Variants in SEMA4G observed in about 807,000 individuals in gnomAD.
SEMA4G encodes the protein semaphorin-4G.
SEMA4G carries 59 observed loss-of-function variants against 81.2 expected under a neutral mutation model. The observed-to-expected ratio is 0.73, with a 90% CI of 0.59 to 0.90. The LOEUF is 0.90. Ranked by LOEUF, SEMA4G falls within the 40% of genes least tolerant of loss-of-function variation. The probability of loss-of-function intolerance (pLI) is 0.00; values close to 1 mark genes in which losing one functional copy is unlikely to be tolerated. For synonymous variants in SEMA4G, 404 were observed against 433.9 expected, an observed-to-expected ratio of 0.93 and a Z score of 0.86; for missense variants, 952 against 1,102.3, an observed-to-expected ratio of 0.86 and a Z score of 1.93.
chr10:100,979,260 G>A (rs1313225853), exon 8 of SEMA4G: 3 of 1,614,052 alleles, frequency 1.9e-6, no homozygotes, highest in Non-Finnish European at 2.5e-6. Context: ...CCTTCACGCT[G>A]AGCACACAGT....
Position 100,973,356 on chromosome 10 carries a change from C to A in SEMA4G, c.273+79C>A. 6.4e-7 allele frequency: 1 copy of A among 1,561,664 alleles called. No homozygotes were observed. Among genetic ancestry groups the A allele is most frequent in the South Asian group, 1.1e-5 (1 of 86,986 alleles). ...CTGGGACCTCAACTTCCTTAAAACC[C>A]TGCCAGCCTTCCATAGCCCCCTGGT... On this transcript the variant is annotated intron_variant, in intron 2 of 13. Transcript: ENST00000370250. The surrounding 1 kb of genome is among the most constrained non-coding windows in gnomAD (Gnocchi z 5.5).
chr10:100,976,493 G>A (rs570478885), intron 3 of SEMA4G, among the ~76,000 whole-genome samples: 1 of 152,274 alleles, frequency 6.6e-6, no homozygotes, highest in East Asian at 1.9e-4. Context: ...GACTACAGGT[G>A]CATGCCACCA....
At chr10:100,977,275 G>C (rs1187725508) in intron 3 of SEMA4G, among the ~76,000 whole-genome samples, 1 of 152,198 alleles carries the variant, frequency 6.6e-6, no homozygotes, top group Non-Finnish European at 1.5e-5. Flanking sequence ...GGAGTTCCAA[G>C]AATAGAAAGA....
intron 13 of SEMA4G, 188 bp downstream of exon 14, chr10:100,981,417 C>G (rs964741987): frequency 1.9e-6 from 3 of 1,613,698 alleles, no homozygotes; most frequent in South Asian, 1.1e-5. Context: ...GAATTATAAA[C>G]TAGGAAACAT....
In SEMA4G at chr10:100,978,502, C is replaced by G. The variant is rs1554883739; in HGVS notation, c.530-25C>G. The G allele has an allele frequency of 3.1e-6, 5 of 1,607,526 alleles. No individual in the cohort carries two copies. In the South Asian group the frequency reaches 5.5e-5, roughly 18 times the overall value. ...GCCCTGTTGAATATGACATGTCTCT[C>G]ATGCCTGGAATATCCCCACGCCAGA... On this transcript the variant is annotated intron_variant, in intron 5 of 13. Coordinates refer to ENST00000370250, the Ensembl canonical transcript of SEMA4G.
chr10:100,978,531 A>C (rs749483446), exon 6 of SEMA4G: 6 of 1,613,878 alleles, frequency 3.7e-6, no homozygotes, highest in Non-Finnish European at 4.2e-6. Context: ...CGCCAGATGG[A>C]GGCCTCTACA....
At chr10:100,979,914 A>G (rs1433937750) in exon 9 of SEMA4G, 1 of 1,613,996 alleles carries the variant, frequency 6.2e-7, no homozygotes, top group East Asian at 2.2e-5. Context: ...TCTTTGCAGG[A>G]CCCTATATGG....
exon 14 of SEMA4G, chr10:100,983,710 C>T (rs772406976): frequency 6.2e-7 from 1 of 1,613,566 alleles, no homozygotes; most frequent in Admixed American, 1.7e-5. Flanking sequence ...CTCTATGTGG[C>T]CTGTCTGCGG....
chr10:100,985,208 C>T (rs145456828), downstream of SEMA4G: 29 of 297,576 alleles, frequency 9.7e-5, no homozygotes, highest in Non-Finnish European at 1.8e-4. Flanking sequence ...TCAACTGGCA[C>T]ATGAAGCCCA....
exon 1 of SEMA4G, chr10:100,972,727 T>C: frequency 1.8e-6 from 1 of 559,446 alleles, no homozygotes; most frequent in South Asian, 2.5e-5. Context: ...TGACTCCATG[T>C]CCCCCCGATT....
Position 100,980,998 on chromosome 10 carries a change from G to A in SEMA4G, c.1628+16G>A. 6.3e-7 allele frequency: 1 copy of A among 1,593,444 alleles called. No homozygotes were observed. The highest frequency in any genetic ancestry group is 2.2e-5 in the East Asian group (1 of 44,766). The stretch of plus-strand genomic sequence containing the variant: ...TAGCCAACAGGTCCCAGGGAAGCAG[G>A]TGGGAAGTGGTGGGGGGTGACAGTC... On this transcript the variant is annotated intron_variant, in intron 12 of 13. Transcript: ENST00000370250.
At position 100,978,932 on chromosome 10, in the gene SEMA4G, AC is replaced by A; in HGVS notation, c.728del (p.Thr243ArgfsTer46). 1 of 1,614,126 alleles carries A rather than the reference AC, an allele frequency of 6.2e-7. No homozygotes were observed. Among genetic ancestry groups the A allele is most frequent in the South Asian group, 1.1e-5 (1 of 91,080 alleles). On this transcript the variant is annotated frameshift_variant, in exon 7 of 14. Transcript: ENST00000370250. LOFTEE classifies it high-confidence loss of function. ...TGATGACAAGGTGTACTACTTCTTC[AC>A]GGAGCGTGCCACTGAGGAGGGCTCT...
At chr10:100,975,200 C>A in intron 3 of SEMA4G, 1 of 361,678 alleles carries the variant, frequency 2.8e-6, no homozygotes, top group South Asian at 2.3e-5. Flanking sequence ...ACTTTAGAGG[C>A]TCTAACTTTA....
chr10:100,973,530 C>A lies in SEMA4G; in HGVS notation c.274-17C>A, dbSNP rs759419208. On this transcript the variant is annotated splice_polypyrimidine_tract_variant and intron_variant, in intron 2 of 13. Coordinates refer to ENST00000370250, the Ensembl canonical transcript of SEMA4G. The surrounding 1 kb of genome is among the most constrained non-coding windows in gnomAD (Gnocchi z 5.5). The stretch of plus-strand genomic sequence containing the variant: ...ATTGGGGTCAGTGCATCAGCCTATT[C>A]CCTTTGCCTCCACTAGATCCACTGG... 1.5e-5 allele frequency: 24 copies of A among 1,613,318 alleles called. No homozygotes were observed. Among genetic ancestry groups the A allele is most frequent in the Non-Finnish European group, 1.9e-5 (22 of 1,179,414 alleles).
intron 9 of SEMA4G, 32 bp downstream of exon 10, chr10:100,980,024 T>C: frequency 6.2e-7 from 1 of 1,613,638 alleles, no homozygotes; most frequent in Non-Finnish European, 8.5e-7. Context: ...CAGTGCTGAG[T>C]AGACAGAGCC....
chr10:100,980,348 C>T lies in SEMA4G; in HGVS notation c.1351+4C>T, dbSNP rs777587678. 1 of 1,611,898 alleles carries T rather than the reference C, an allele frequency of 6.2e-7. No homozygotes were observed. On this transcript the variant is annotated splice_donor_region_variant and intron_variant, in intron 10 of 13. Coordinates refer to ENST00000370250, the Ensembl canonical transcript of SEMA4G. Reference sequence around the variant, plus strand: ...GACCTGCTCTTTCTGGGCACAGGTGCTTCTGATCCCAATCCCTGATCCCTG... The same window carrying T: ...GACCTGCTCTTTCTGGGCACAGGTGTTTCTGATCCCAATCCCTGATCCCTG...
At chr10:100,970,115 G>T (rs550147218), upstream of SEMA4G, among the ~76,000 whole-genome samples, 1 of 152,272 alleles carries the variant, frequency 6.6e-6, no homozygotes, top group South Asian at 2.1e-4. Flanking sequence ...GATCCTGTTT[G>T]AAGGGTCTCT....
chr10:100,983,557 TCA>T lies in SEMA4G; in HGVS notation c.1946_1947del (p.Thr649SerfsTer23). The stretch of plus-strand genomic sequence containing the variant: ...CGCACCCTGCTGGCCTCCTATAGTC[TCA>T]CAGTCCGGCCAGCCACTCCTGCCCC... On this transcript the variant is annotated frameshift_variant, in exon 14 of 14. Coordinates refer to ENST00000370250, the Ensembl canonical transcript of SEMA4G. LOFTEE classifies it high-confidence loss of function. 6.2e-7 allele frequency: 1 copy of T among 1,613,800 alleles called. No individual in the cohort carries two copies. Among genetic ancestry groups the T allele is most frequent in the South Asian group, 1.1e-5 (1 of 91,072 alleles).
chr10:100,978,939 G>A (rs775552640), exon 7 of SEMA4G: 18 of 1,614,074 alleles, frequency 1.1e-5, no homozygotes, highest in South Asian at 4.4e-5. Context: ...TTCACGGAGC[G>A]TGCCACTGAG....
Sources: allele counts gnomAD v4.1 joint callset (sites outside exome capture counted in the v4.1 genomes callset), GRCh38; gene constraint gnomAD v4.1.1; non-coding constraint Gnocchi (gnomAD v3.1); transcripts MANE v1.5; gene names NCBI Gene and HGNC (gene_info 2026-07-23, HGNC 2026-07-21).